Variants in SNX29 observed in about 807,000 individuals in gnomAD.
SNX29 encodes the protein sorting nexin-29.
In SNX29, 78 loss-of-function variants were observed where a neutral mutation model predicts 102.1. The observed-to-expected ratio is 0.76, with a 90% CI of 0.64 to 0.92. The LOEUF (loss-of-function observed/expected upper bound fraction) is 0.92, where lower values mean the gene tolerates loss of function less well. Ranked by LOEUF, SNX29 falls within the 40% of genes least tolerant of loss-of-function variation. The probability of loss-of-function intolerance (pLI) is 0.00; values close to 1 mark genes in which losing one functional copy is unlikely to be tolerated. For synonymous variants in SNX29, 580 were observed against 414.5 expected, an observed-to-expected ratio of 1.40 and a Z score of -4.85; for missense variants, 1,280 against 1,061.7, an observed-to-expected ratio of 1.21 and a Z score of -2.86.
At chr16:12,270,526 A>T (rs892259490) in intron 14 of SNX29, among the ~76,000 whole-genome samples, 2 of 152,172 alleles carry the variant, frequency 1.3e-5, no homozygotes, top group Admixed American at 1.3e-4. Context: ...ATGGTCTCTC[A>T]TGCCTTGACC....
chr16:12,562,841 A>G (rs536433638), intron 20 of SNX29, among the ~76,000 whole-genome samples: 68 of 152,238 alleles, frequency 4.5e-4, no homozygotes, highest in African/African-American at 1.6e-3. Flanking sequence ...ATTCCCCTAT[A>G]GGCAACCCGA....
intron 15 of SNX29, among the ~76,000 whole-genome samples, chr16:12,290,035 G>A (rs966238254): frequency 3.9e-5 from 6 of 152,138 alleles, no homozygotes; most frequent in Non-Finnish European, 7.4e-5. Flanking sequence ...GAGACAGGGC[G>A]GAGGGAGGGA....
At chr16:12,091,884 C>G (rs891575771) in intron 11 of SNX29, among the ~76,000 whole-genome samples, 4 of 152,094 alleles carry the variant, frequency 2.6e-5, no homozygotes, top group African/African-American at 7.2e-5. Flanking sequence ...GGACCCTCAC[C>G]AGATCCCGAA....
intron 10 of SNX29, among the ~76,000 whole-genome samples, chr16:12,070,867 A>G (rs2051262901): frequency 6.6e-6 from 1 of 152,196 alleles, no homozygotes; most frequent in Admixed American, 6.5e-5. Flanking sequence ...TTGCCATTCT[A>G]ACTGGTGTGA....
chr16:12,224,053 C>T (rs974230743), intron 14 of SNX29, among the ~76,000 whole-genome samples: 23 of 152,130 alleles, frequency 1.5e-4, no homozygotes, highest in African/African-American at 3.6e-4. Context: ...TTGCCTTGCC[C>T]GTGGTAGCCT....
At chr16:12,478,051 G>C (rs1254934060) in intron 19 of SNX29, among the ~76,000 whole-genome samples, 192 bp downstream of exon 19, 1 of 152,230 alleles carries the variant, frequency 6.6e-6, no homozygotes, top group Non-Finnish European at 1.5e-5. Context: ...TACGTCATGT[G>C]TGTGTGTATG....
At position 12,554,461 on chromosome 16, in the gene SNX29, T is replaced by C. The variant is rs141288482; in HGVS notation, c.2319-14045T>C. Among the ~76,000 whole-genome samples the C allele has an allele frequency of 6.4e-4, 97 of 152,360 alleles. No individual in the cohort carries two copies. In the East Asian group the frequency reaches 9.8e-3, roughly 15 times the overall value. On this transcript the variant is annotated intron_variant, in intron 20 of 20. Transcript: ENST00000566228. ...CCGCACACCTGCCATGCCAGGTCCA[T>C]GGGTCCTGCACATAGGCATGGAGTG... is the stretch of plus-strand genomic sequence containing the variant.
chr16:12,052,457 T>G (rs1234363845), intron 8 of SNX29: 4 of 434,900 alleles, frequency 9.2e-6, no homozygotes, highest in Non-Finnish European at 1.7e-5. Flanking sequence ...CCTCAAGTGA[T>G]CTGCCTGCCT....
chr16:12,243,584 T>G (rs1300710815), intron 14 of SNX29, among the ~76,000 whole-genome samples: 1 of 152,230 alleles, frequency 6.6e-6, no homozygotes, highest in Non-Finnish European at 1.5e-5. Context: ...ACCTGTTTCA[T>G]GGAAGACAAT....
chr16:12,069,067 C>G lies in SNX29; in HGVS notation c.1254C>G (p.Leu418=), dbSNP rs183275123. ...GCTCTCTCTGCACAGATGCCCCCCT[C>G]GGAAGCCTGGAGAACGGGACAGGAC... ...VGSYSPADAP[L]GSLENGTGPE... Residue 418 remains leucine, a synonymous_variant, in exon 10 of 21, where the codon CTC becomes CTG. Coordinates refer to ENST00000566228, the MANE Select transcript of SNX29 (RefSeq NM_032167.5). The G allele has an allele frequency of 7.4e-6, 12 of 1,613,860 alleles. No homozygotes were observed. The African/African-American group carries it at 1.5e-4, about 20-fold the overall frequency.
At chr16:12,436,410 G>A (rs2085541090) in intron 18 of SNX29, among the ~76,000 whole-genome samples, 1 of 152,260 alleles carries the variant, frequency 6.6e-6, no homozygotes, top group South Asian at 2.1e-4. Flanking sequence ...ATTTCCGTGT[G>A]TAAGGTGTGC....
At chr16:12,394,476 A>G (rs1022259009) in intron 16 of SNX29, among the ~76,000 whole-genome samples, 1 of 152,178 alleles carries the variant, frequency 6.6e-6, no homozygotes, top group Non-Finnish European at 1.5e-5. Flanking sequence ...AAACCACCCC[A>G]AAACTTAATG....
At chr16:12,155,766 CA>C (rs1170375708) in intron 13 of SNX29, among the ~76,000 whole-genome samples, 1 of 152,142 alleles carries the variant, frequency 6.6e-6, no homozygotes, top group Non-Finnish European at 1.5e-5. Context: ...GGAGAGTCTA[CA>C]ACCACCATGG....
At position 12,064,158 on chromosome 16, in the gene SNX29, TTTTGGCAG is replaced by T. The variant is rs149884412; in HGVS notation, c.1243+2513_1243+2520del. 9.0e-3 allele frequency among the ~76,000 whole-genome samples: 1,377 copies of T among 152,244 alleles called. 20 individuals are homozygous for T. The highest frequency in any genetic ancestry group is 0.031 in the African/African-American group (1,291 of 41,536). On this transcript the variant is annotated intron_variant, in intron 9 of 20. Transcript: ENST00000566228. ...GTGCTTGCAGTAGGTGGTCTGATTGTTTTGGCAGCTCCTTTGCCGCTTAGCTGGGCCCC... is the reference window on the plus strand; with the variant it reads ...GTGCTTGCAGTAGGTGGTCTGATTGTCTCCTTTGCCGCTTAGCTGGGCCCC...
At chr16:12,314,896 AG>A (rs1171259164) in intron 15 of SNX29, among the ~76,000 whole-genome samples, 3 of 152,322 alleles carry the variant, frequency 2.0e-5, no homozygotes, top group Admixed American at 6.5e-5. Flanking sequence ...TCCTACCGGG[AG>A]GCCTGTGGCA....
In SNX29 at chr16:12,101,936, GC is replaced by G. The variant is rs960886895; in HGVS notation, c.1402+23025del. The stretch of plus-strand genomic sequence containing the variant: ...CCCCTAGCCCCCTACCCTCAGACAG[GC>G]CCCAGTGTGTGATGTTCCCCTCCCT... On this transcript the variant is annotated intron_variant, in intron 11 of 20. Coordinates refer to ENST00000566228, the MANE Select transcript of SNX29 (RefSeq NM_032167.5). 2.2e-4 allele frequency among the ~76,000 whole-genome samples: 33 copies of G among 152,074 alleles called. No individual in the cohort carries two copies. In the East Asian group the frequency reaches 2.9e-3, roughly 13 times the overall value.
chr16:12,556,770 G>A (rs1400380311), intron 20 of SNX29, among the ~76,000 whole-genome samples: 1 of 152,164 alleles, frequency 6.6e-6, no homozygotes, highest in Admixed American at 6.6e-5. Context: ...CAGAGTTCTG[G>A]TTTGAGCATT....
In SNX29 at chr16:12,563,590, C is replaced by T. The variant is rs4781259; in HGVS notation, c.2319-4916C>T. 3.3e-5 allele frequency among the ~76,000 whole-genome samples: 5 copies of T among 150,740 alleles called. No individual in the cohort carries two copies. The South Asian group carries it at 8.4e-4, about 25-fold the overall frequency. On this transcript the variant is annotated intron_variant, in intron 20 of 20. Coordinates refer to ENST00000566228, the MANE Select transcript of SNX29 (RefSeq NM_032167.5). Reference sequence around the variant, plus strand: ...CCCCTTTGGGTGGTGGCTTAGGCCTCCATGTCTGTATCACCACATCTCACA... The same window carrying T: ...CCCCTTTGGGTGGTGGCTTAGGCCTTCATGTCTGTATCACCACATCTCACA...
intron 20 of SNX29, chr16:12,527,456 A>T: frequency 2.3e-6 from 1 of 428,124 alleles, no homozygotes; most frequent in South Asian, 2.2e-5. Flanking sequence ...GTTCTTTCAA[A>T]TGTTGATTTA....
Sources: gnomAD v4.1 joint callset for allele counts (sites outside exome capture counted in the v4.1 genomes callset) on GRCh38, gnomAD v4.1.1 for gene constraint, MANE v1.5 for transcripts, NCBI Gene and HGNC (gene_info 2026-07-23, HGNC 2026-07-21) for gene names.